STK3: variants seen among roughly 807,000 people sequenced by gnomAD.
STK3 encodes the protein serine/threonine kinase 3.
In STK3, 41 loss-of-function variants were observed where a neutral mutation model predicts 58.0. The ratio of observed to expected loss-of-function variants is 0.71; its 90% confidence interval spans 0.55 to 0.92. The LOEUF (loss-of-function observed/expected upper bound fraction) is 0.92, where lower values mean the gene tolerates loss of function less well. Among genes scored for constraint, STK3 ranks in the 40% least tolerant of loss-of-function variants. STK3 has a pLI of 0.00. For missense variants in STK3, 479 were observed against 602.7 expected (o/e 0.79, Z 2.15); for synonymous variants, 170 against 191.0 (o/e 0.89, Z 0.91).
chr8:98,405,375 G>T (rs1817983958), intron 3 of STK3, among the ~76,000 whole-genome samples: 1 of 152,194 alleles, frequency 6.6e-6, no homozygotes, highest in Non-Finnish European at 1.5e-5. Context: ...AAGTGCTTAG[G>T]ATTTGTCTGG....
chr8:98,612,089 T>G (rs1441587781), intron 6 of STK3, among the ~76,000 whole-genome samples: 1 of 149,616 alleles, frequency 6.7e-6, no homozygotes, highest in Non-Finnish European at 1.5e-5. Flanking sequence ...AATATATATG[T>G]GTATGTATGT....
chr8:98,860,268 G>T (rs1487280589), intron 3 of STK3, among the ~76,000 whole-genome samples: 2 of 152,186 alleles, frequency 1.3e-5, no homozygotes, highest in Non-Finnish European at 2.9e-5. Context: ...TGGATGTGAT[G>T]GAGTGGCTGG....
intron 6 of STK3, among the ~76,000 whole-genome samples, chr8:98,703,283 A>T (rs1292308913): frequency 6.6e-6 from 1 of 152,212 alleles, no homozygotes; most frequent in Admixed American, 6.5e-5. Context: ...AACTGAGTTC[A>T]TATCTCAGTT....
intron 6 of STK3, among the ~76,000 whole-genome samples, chr8:98,629,919 A>G (rs146222492): frequency 2.7e-4 from 41 of 152,250 alleles, no homozygotes; most frequent in Middle Eastern, 3.4e-3. Context: ...GGACTATTAG[A>G]ATAGTCCCCT....
At chr8:98,738,757 G>C (rs190884206) in intron 4 of STK3, among the ~76,000 whole-genome samples, 4 of 152,226 alleles carry the variant, frequency 2.6e-5, no homozygotes, top group Admixed American at 2.6e-4. Context: ...TGGGTGCAGC[G>C]CACCGTGTGC....
chr8:98,432,137 C>CTAA (rs143735834), intron 3 of STK3: 18,983 of 166,962 alleles, frequency 0.11, 1,160 homozygotes, highest in Non-Finnish European at 0.12. Context: ...TAACATCTAA[C>CTAA]CAGCAGTTTC....
intron 9 of STK3, among the ~76,000 whole-genome samples, chr8:98,542,044 G>A (rs772384300): frequency 5.9e-5 from 9 of 152,096 alleles, no homozygotes; most frequent in Non-Finnish European, 1.0e-4. Context: ...GCATTCCCAA[G>A]TCTCAGTTTC....
At chr8:98,570,829 G>A (rs1812903246) in intron 8 of STK3, among the ~76,000 whole-genome samples, 1 of 152,162 alleles carries the variant, frequency 6.6e-6, no homozygotes, top group Non-Finnish European at 1.5e-5. Context: ...TTTGCAGATG[G>A]TAAAACTGAA....
At position 98,506,150 on chromosome 8, in the gene STK3, TCAGACTGCTGCACTAG is replaced by T. The variant is rs1278238880; in HGVS notation, c.1317+20576_1317+20591del. On this transcript the variant is annotated intron_variant, in intron 10 of 10. Coordinates refer to ENST00000419617, the MANE Select transcript of STK3 (RefSeq NM_006281.4). ...CAGGTTGCTGCCTTGCAGGTTGATC[TCAGACTGCTGCACTAG>T]CAGTGAGCAAGGCTCCGTGGGCATG... 3.9e-5 allele frequency among the ~76,000 whole-genome samples: 6 copies of T among 152,316 alleles called. No homozygotes were observed. In the East Asian group the frequency reaches 7.7e-4, roughly 20 times the overall value.
chr8:98,664,289 A>C (rs923284058), intron 6 of STK3, among the ~76,000 whole-genome samples: 1 of 152,184 alleles, frequency 6.6e-6, no homozygotes, highest in Admixed American at 6.5e-5. Flanking sequence ...GGGGATCAGC[A>C]CTTAATCGCA....
intron 4 of STK3, among the ~76,000 whole-genome samples, chr8:98,746,058 AC>A (rs1829622384): frequency 6.6e-6 from 1 of 152,224 alleles, no homozygotes; most frequent in Non-Finnish European, 1.5e-5. Flanking sequence ...ATCTTATGGG[AC>A]CACAATTCTA....
At chr8:98,886,330 G>A (rs533755089) in intron 1 of STK3, among the ~76,000 whole-genome samples, 16 of 152,310 alleles carry the variant, frequency 1.1e-4, no homozygotes, top group South Asian at 2.1e-4. Flanking sequence ...AAGTATACAC[G>A]AAACCTCCAC....
chr8:98,914,760 T>C (rs1308478205), intron 1 of STK3, among the ~76,000 whole-genome samples: 1 of 152,180 alleles, frequency 6.6e-6, no homozygotes, highest in Admixed American at 6.5e-5. Flanking sequence ...ATATGCTGAA[T>C]ATGTGCCTGA....
intron 3 of STK3, among the ~76,000 whole-genome samples, chr8:98,417,445 C>T (rs543929186): frequency 4.6e-5 from 7 of 152,124 alleles, no homozygotes; most frequent in South Asian, 2.1e-4. Context: ...ACCTGGGAGG[C>T]GGAGGTTGCA....
At chr8:98,361,771 C>T in the STK3 span, among the ~76,000 whole-genome samples, 1 of 152,160 alleles carries the variant, frequency 6.6e-6, no homozygotes, top group Non-Finnish European at 1.5e-5. Context: ...TAGAAAGGAC[C>T]TAGGAACAAG....
At chr8:98,421,203 G>A (rs903342936) in intron 3 of STK3, among the ~76,000 whole-genome samples, 1 of 152,196 alleles carries the variant, frequency 6.6e-6, no homozygotes, top group Admixed American at 6.5e-5. Context: ...CAGTTCAGCT[G>A]TCAGCCTCCC....
intron 8 of STK3, among the ~76,000 whole-genome samples, chr8:98,550,236 T>C (rs996415133): frequency 2.0e-5 from 3 of 152,146 alleles, no homozygotes; most frequent in Admixed American, 1.3e-4. Flanking sequence ...TAAACCTACA[T>C]GCTAAGCTTG....
At chr8:98,837,376 A>AAAAG (rs1554688428) in intron 3 of STK3, among the ~76,000 whole-genome samples, 1 of 151,682 alleles carries the variant, frequency 6.6e-6, no homozygotes, top group Non-Finnish European at 1.5e-5. Flanking sequence ...AAAAAAAAAA[A>AAAAG]AAAGAAAGAA....
At chr8:98,837,831 C>A (rs1370775769) in intron 3 of STK3, among the ~76,000 whole-genome samples, 1 of 152,142 alleles carries the variant, frequency 6.6e-6, no homozygotes, top group Admixed American at 6.6e-5. Context: ...ACTTGAGAAG[C>A]TGACATGGAA....
Sources: gnomAD v4.1 joint callset for allele counts (sites outside exome capture counted in the v4.1 genomes callset) on GRCh38, gnomAD v4.1.1 for gene constraint, MANE v1.5 for transcripts, NCBI Gene and HGNC (gene_info 2026-07-23, HGNC 2026-07-21) for gene names.